CA8: variants seen among roughly 807,000 people sequenced by gnomAD.
The protein encoded by CA8 is carbonic anhydrase 8 (inactive).
In CA8, 22 loss-of-function variants were observed where a neutral mutation model predicts 41.4. The observed-to-expected ratio is 0.53, with a 90% confidence interval of 0.38 to 0.76. The LOEUF (loss-of-function observed/expected upper bound fraction) is 0.76. Ranked by LOEUF, CA8 falls within the 30% of genes least tolerant of loss-of-function variation. The pLI, the probability that CA8 is intolerant of heterozygous loss-of-function variation, is 0.00. For missense variants in CA8, 270 were observed against 352.8 expected (o/e 0.77, Z 1.88); for synonymous variants, 121 against 130.6 (o/e 0.93, Z 0.50).
At chr8:60,212,303 T>C (rs928013553) in intron 7 of CA8, among the ~76,000 whole-genome samples, 2 of 152,266 alleles carry the variant, frequency 1.3e-5, no homozygotes, top group Admixed American at 6.5e-5. Context: ...TTAGGGCTAC[T>C]TAACTTTCAG....
chr8:60,251,658 A>G (rs1215808656), intron 3 of CA8, among the ~76,000 whole-genome samples: 6 of 152,184 alleles, frequency 3.9e-5, no homozygotes, highest in South Asian at 4.1e-4. Flanking sequence ...CATACCTCCT[A>G]TCTTTGTCCA....
chr8:60,190,435 ATATATATATAT>A (rs1806086056), intron 8 of CA8, among the ~76,000 whole-genome samples: 6 of 1,856 alleles, frequency 3.2e-3, no homozygotes, highest in Non-Finnish European at 5.5e-3. Flanking sequence ...AATGCAGAAT[ATATATATATAT>A]ATATATATAT....
At chr8:60,213,147 T>G (rs763297200) in intron 7 of CA8, among the ~76,000 whole-genome samples, 16 of 152,142 alleles carry the variant, frequency 1.1e-4, no homozygotes, top group Middle Eastern at 3.2e-3. Flanking sequence ...CTTACCAACC[T>G]CTCATTCATA....
chr8:60,248,801 G>C (rs748453161), intron 3 of CA8, among the ~76,000 whole-genome samples: 13 of 152,064 alleles, frequency 8.5e-5, no homozygotes, highest in Non-Finnish European at 1.9e-4. Flanking sequence ...GTCAATGGTA[G>C]TTTAATGGGA....
intron 3 of CA8, among the ~76,000 whole-genome samples, chr8:60,238,595 C>A (rs1309857842): frequency 6.6e-6 from 1 of 152,168 alleles, no homozygotes; most frequent in Non-Finnish European, 1.5e-5. Flanking sequence ...CCTTTATCTC[C>A]AGAGCTCATC....
At chr8:60,267,309 G>A (rs1156552246) in intron 2 of CA8, among the ~76,000 whole-genome samples, 1 of 152,192 alleles carries the variant, frequency 6.6e-6, no homozygotes, top group Non-Finnish European at 1.5e-5. Context: ...AGGTCATGGA[G>A]TCCTTGATAA....
At chr8:60,229,155 C>T (rs546794788) in intron 4 of CA8, among the ~76,000 whole-genome samples, 3 of 121,670 alleles carry the variant, frequency 2.5e-5, no homozygotes, top group African/African-American at 1.0e-4. Flanking sequence ...AGCCCTGAAC[C>T]ACCTGTTTTT....
At chr8:60,257,901 G>C (rs1297040216) in intron 3 of CA8, among the ~76,000 whole-genome samples, 1 of 152,230 alleles carries the variant, frequency 6.6e-6, no homozygotes, top group South Asian at 2.1e-4. Context: ...TGCACAGGCA[G>C]GTTAGGTGAG....
rs376254184 is a variant in CA8, at chr8:60,249,595, C to T, written c.417+16330G>A. Among the ~76,000 whole-genome samples the T allele has an allele frequency of 2.2e-4, 33 of 152,184 alleles. No individual in the cohort carries two copies. In the East Asian group the frequency reaches 3.1e-3, roughly 14 times the overall value. On this transcript the variant is annotated intron_variant, in intron 3 of 8. Coordinates refer to ENST00000317995, the MANE Select transcript of CA8 (RefSeq NM_004056.6). ...TTCTTAAAAATAAAATTGTGTCTAACGATAAATAAATTGAGCTTTTTGCTC... is the reference window on the plus strand; with the variant it reads ...TTCTTAAAAATAAAATTGTGTCTAATGATAAATAAATTGAGCTTTTTGCTC...
At chr8:60,210,193 T>C (rs1333399288) in intron 7 of CA8, among the ~76,000 whole-genome samples, 1 of 152,240 alleles carries the variant, frequency 6.6e-6, no homozygotes, top group Non-Finnish European at 1.5e-5. Context: ...TTAGGAATTC[T>C]AGTCAATTCA....
intron 4 of CA8, among the ~76,000 whole-genome samples, chr8:60,229,022 C>T (rs563104382): frequency 1.1e-4 from 17 of 152,334 alleles, no homozygotes; most frequent in Admixed American, 5.9e-4. Context: ...GATAACACAA[C>T]CTGGTACCAA....
intron 8 of CA8, among the ~76,000 whole-genome samples, chr8:60,205,351 T>C (rs1806543871): frequency 6.6e-6 from 1 of 152,180 alleles, no homozygotes; most frequent in Non-Finnish European, 1.5e-5. Context: ...GAACAGCCTT[T>C]TAAAAATGGG....
chr8:60,218,428 A>C (rs962519805), intron 7 of CA8, among the ~76,000 whole-genome samples: 1 of 152,008 alleles, frequency 6.6e-6, no homozygotes, highest in African/African-American at 2.4e-5. Flanking sequence ...CACATAGCAA[A>C]TGTCGAATAA....
At chr8:60,207,398 T>C (rs1324791190) in intron 8 of CA8, among the ~76,000 whole-genome samples, 3 of 152,190 alleles carry the variant, frequency 2.0e-5, no homozygotes, top group Non-Finnish European at 4.4e-5. Context: ...TGTTCTCTAC[T>C]CTTGAAATGC....
chr8:60,247,698 T>C (rs548452487), intron 3 of CA8, among the ~76,000 whole-genome samples: 12 of 152,354 alleles, frequency 7.9e-5, no homozygotes, highest in African/African-American at 2.4e-4. Flanking sequence ...CCATTGTGAA[T>C]TGCACTGTAA....
chr8:60,216,777 T>C (rs1156958471), intron 7 of CA8, among the ~76,000 whole-genome samples: 1 of 152,166 alleles, frequency 6.6e-6, no homozygotes, highest in Non-Finnish European at 1.5e-5. Flanking sequence ...ATTAACATTG[T>C]GAATGCTGGC....
chr8:60,276,648 G>C (rs1804245684), intron 2 of CA8, among the ~76,000 whole-genome samples: 1 of 152,038 alleles, frequency 6.6e-6, no homozygotes, highest in African/African-American at 2.4e-5. Flanking sequence ...TTACATAATG[G>C]ATACAATGTA....
intron 2 of CA8, among the ~76,000 whole-genome samples, chr8:60,276,086 C>T (rs1460384097): frequency 1.3e-5 from 2 of 152,176 alleles, no homozygotes; most frequent in Admixed American, 6.5e-5. Flanking sequence ...CAGGAAGTTC[C>T]TGGAAGATGA....
intron 7 of CA8, among the ~76,000 whole-genome samples, chr8:60,211,231 G>C (rs1585856450): frequency 1.3e-5 from 2 of 152,220 alleles, no homozygotes; most frequent in East Asian, 3.8e-4. Flanking sequence ...CACATAGGAA[G>C]TGTCTGACAA....
Sources: allele counts gnomAD v4.1 joint callset (sites outside exome capture counted in the v4.1 genomes callset), GRCh38; gene constraint gnomAD v4.1.1; transcripts MANE v1.5; gene names NCBI Gene and HGNC (gene_info 2026-07-23, HGNC 2026-07-21).